The following ABCC6 variants were observed in gnomAD, a reference collection of about 807,000 sequenced individuals.
ABCC6 encodes the protein ATP binding cassette subfamily C member 6.
Under a neutral mutation model 169.5 loss-of-function variants are expected in ABCC6, and 126 were observed. That is an observed-to-expected ratio of 0.74 (90% confidence interval 0.64 to 0.86). The LOEUF is 0.86. Among genes scored for constraint, ABCC6 ranks in the 40% least tolerant of loss-of-function variants. The probability of loss-of-function intolerance (pLI) is 0.00; values close to 1 mark genes in which losing one functional copy is unlikely to be tolerated. For synonymous variants in ABCC6, 752 were observed against 814.7 expected, an observed-to-expected ratio of 0.92 and a Z score of 1.31; for missense variants, 1,733 against 1,927.2, an observed-to-expected ratio of 0.90 and a Z score of 1.89.
At chr16:16,210,072 C>T (rs978446459) in intron 6 of ABCC6, among the ~76,000 whole-genome samples, 1 of 152,126 alleles carries the variant, frequency 6.6e-6, no homozygotes, top group Non-Finnish European at 1.5e-5. Context: ...GCCAGAAGGT[C>T]TTGCCTGGTT....
chr16:16,204,766 G>T (rs1374115071), intron 7 of ABCC6, among the ~76,000 whole-genome samples: 4 of 152,038 alleles, frequency 2.6e-5, no homozygotes, highest in Non-Finnish European at 5.9e-5. Flanking sequence ...GATGGGTGTG[G>T]TCCCCTGCTG....
intron 10 of ABCC6, among the ~76,000 whole-genome samples, chr16:16,195,473 C>T (rs990645740): frequency 7.2e-5 from 11 of 151,934 alleles, no homozygotes; most frequent in South Asian, 2.1e-4. Context: ...CCACCATGCC[C>T]GGCTAATTTT....
At chr16:16,222,204 G>A (rs1193225787) in intron 1 of ABCC6, among the ~76,000 whole-genome samples, 2 of 151,890 alleles carry the variant, frequency 1.3e-5, no homozygotes, top group African/African-American at 4.8e-5. Context: ...ACTCCAGGAC[G>A]CAGACAGTAC....
chr16:16,217,721 T>C (rs375336923), intron 4 of ABCC6, among the ~76,000 whole-genome samples: 5,370 of 152,238 alleles, frequency 0.035, 111 homozygotes, highest in African/African-American at 0.046. Context: ...ATGTCAACTG[T>C]GGGAGCCCAC....
chr16:16,178,313 C>T (rs1242916018), intron 18 of ABCC6, among the ~76,000 whole-genome samples: 4 of 151,416 alleles, frequency 2.6e-5, no homozygotes, highest in African/African-American at 7.3e-5. Context: ...AAAGACAGAG[C>T]GAGACTCCAT....
chr16:16,184,494 T>G lies in ABCC6; in HGVS notation c.1943+465A>C, dbSNP rs57314310. 8.2e-3 allele frequency among the ~76,000 whole-genome samples: 1,243 copies of G among 152,268 alleles called. 15 individuals carry two copies. Among genetic ancestry groups the G allele is most frequent in the African/African-American group, 0.026 (1,089 of 41,540 alleles). On this transcript the variant is annotated intron_variant, in intron 15 of 30. Transcript: ENST00000205557. ...ACCAATACAAATACTACCTGGGGCA[T>G]ATTCCTTCTCTTCTTAGGGAGTTTC...
At chr16:16,151,182 G>A (rs916086444) in intron 29 of ABCC6, among the ~76,000 whole-genome samples, 1 of 151,842 alleles carries the variant, frequency 6.6e-6, no homozygotes, top group African/African-American at 2.4e-5. Flanking sequence ...TCCTGCCTCA[G>A]CCTCCCAAGT....
At chr16:16,155,804 C>A (rs572750343) in intron 27 of ABCC6, 1 of 152,308 alleles carries the variant, frequency 6.6e-6, no homozygotes, top group African/African-American at 2.4e-5. Context: ...GTTTAGGCAC[C>A]GGAAGTATAG....
chr16:16,213,701 C>T (rs2048735818), intron 5 of ABCC6, among the ~76,000 whole-genome samples: 1 of 149,812 alleles, frequency 6.7e-6, no homozygotes, highest in Non-Finnish European at 1.5e-5. Context: ...GCTGGGATTA[C>T]AGGCGTGCAC....
intron 9 of ABCC6, among the ~76,000 whole-genome samples, chr16:16,201,752 C>T (rs111347565): frequency 5.3e-5 from 8 of 152,114 alleles, no homozygotes; most frequent in South Asian, 2.1e-4. Context: ...CACTTGAACC[C>T]GGGAGGCGGA....
chr16:16,220,935 A>G (rs981625375), intron 2 of ABCC6, among the ~76,000 whole-genome samples: 1 of 151,618 alleles, frequency 6.6e-6, no homozygotes, highest in African/African-American at 2.4e-5. Flanking sequence ...CACAGTCATG[A>G]CTATTGTCTA....
chr16:16,195,186 C>T (rs745644722), intron 10 of ABCC6, among the ~76,000 whole-genome samples: 1 of 152,056 alleles, frequency 6.6e-6, no homozygotes, highest in African/African-American at 2.4e-5. Context: ...TCAGTGTCCA[C>T]TCCTCCTTCA....
At chr16:16,183,516 A>C (rs376300682) in intron 15 of ABCC6, among the ~76,000 whole-genome samples, 53 of 151,808 alleles carry the variant, frequency 3.5e-4, no homozygotes, top group African/African-American at 1.3e-3. Flanking sequence ...CTCCCATTTC[A>C]CTCAGGGTCA....
chr16:16,185,121 C>A lies in ABCC6; in HGVS notation c.1868-87G>T, dbSNP rs1017178566. 5.6e-6 allele frequency: 7 copies of A among 1,241,156 alleles called. No homozygotes were observed. In the African/African-American group the frequency reaches 8.8e-5, roughly 16 times the overall value. The allele number at this position is 1,241,156 out of a possible 1,614,324, so 76.9% of individuals were successfully genotyped here. A position where few individuals can be genotyped will look rare whatever the true frequency, so the allele number is the denominator to read the frequency against. On this transcript the variant is annotated intron_variant, in intron 14 of 30. Transcript: ENST00000205557. ...AGGCCCCCAGGCACCATCCCCCGCC[C>A]CCCCCAGGGGCAGAGGCTGCAGGAA...
At chr16:16,188,998 G>C (rs377753263) in intron 12 of ABCC6, 24 bp from the exon 13 acceptor site, 1 of 1,612,942 alleles carries the variant, frequency 6.2e-7, no homozygotes, top group Non-Finnish European at 8.5e-7. Flanking sequence ...GGGACACGTG[G>C]GGCAACAGTG....
chr16:16,203,599 A>T lies in ABCC6; in HGVS notation c.809T>A (p.Ile270Lys). ...ACTGCCGCCTTTCCTTTTAAATGCT[A>T]TTGCCTTGTTGTGCCTGAGGGGAAG... ...RSAARRHNKA[I>K]AFKRKGGSGM... Residue 270 changes from isoleucine (I) to lysine (K), a missense_variant, in exon 8 of 31, where the codon ATA (isoleucine) becomes AAA (lysine). Ile to Lys is a moderately radical substitution (Grantham distance 102). Transcript: ENST00000205557. 6.2e-7 allele frequency: 1 copy of T among 1,613,950 alleles called. No individual in the cohort carries two copies. The highest frequency in any genetic ancestry group is 1.3e-5 in the African/African-American group (1 of 75,006).
In ABCC6 at chr16:16,153,964, C is replaced by CA. The variant is rs1212160964; in HGVS notation, c.4208+663dup. On this transcript the variant is annotated intron_variant, in intron 29 of 30. Coordinates refer to ENST00000205557, the MANE Select transcript of ABCC6 (RefSeq NM_001171.6). The stretch of plus-strand genomic sequence containing the variant: ...AGTAAATTTTATGTGTATCTTTCCA[C>CA]ACAGCTTTTTGTTGTTGAGACGAAG... Among the ~76,000 whole-genome samples the CA allele has an allele frequency of 5.9e-5, 9 of 151,532 alleles. No homozygotes were observed. The East Asian group carries it at 1.6e-3, about 26-fold the overall frequency.
At position 16,152,192 on chromosome 16, in the gene ABCC6, CAAAAAAA is replaced by C. The variant is rs61339757; in HGVS notation, c.4209-1427_4209-1421del. Among the ~76,000 whole-genome samples, 14 of 40,318 alleles carry C rather than the reference CAAAAAAA, an allele frequency of 3.5e-4. 1 individual carries two copies. Among genetic ancestry groups the C allele is most frequent in the Admixed American group, 1.6e-3 (4 of 2,512 alleles). The allele number at this position is 40,318 out of a possible 152,430, so 26.5% of individuals were successfully genotyped here. On this transcript the variant is annotated intron_variant, in intron 29 of 30. Coordinates refer to ENST00000205557, the MANE Select transcript of ABCC6 (RefSeq NM_001171.6). ...TGGGCGACAGAGCAAGACTCTGTCT[CAAAAAAA>C]AAAAAAAAAAAAAAAAGTGTGTAGG... is the stretch of plus-strand genomic sequence containing the variant.
rs888400819 is a variant in ABCC6 at position 16,198,008 on chromosome 16, T to A, written c.1338+13A>T. The A allele has an allele frequency of 1.2e-6, 2 of 1,613,394 alleles. No homozygotes were observed. The highest frequency in any genetic ancestry group is 3.3e-5 in the Admixed American group (2 of 59,952). Reference sequence around the variant, plus strand: ...GGACTCCGTTCAAATCCCGTCTTCCTCCTCTGGCATACCTGCCAGAGATAG... The same window carrying A: ...GGACTCCGTTCAAATCCCGTCTTCCACCTCTGGCATACCTGCCAGAGATAG... On this transcript the variant is annotated intron_variant, in intron 10 of 30. Coordinates refer to ENST00000205557, the MANE Select transcript of ABCC6 (RefSeq NM_001171.6).
Sources: allele counts gnomAD v4.1 joint callset (sites outside exome capture counted in the v4.1 genomes callset), GRCh38; gene constraint gnomAD v4.1.1; transcripts MANE v1.5; gene names NCBI Gene and HGNC (gene_info 2026-07-23, HGNC 2026-07-21).